Variants in OSBP2 observed in about 807,000 individuals in gnomAD.
OSBP2 encodes the protein oxysterol-binding protein 2.
Under a neutral mutation model 96.0 loss-of-function variants are expected in OSBP2, and 66 were observed. The ratio of observed to expected loss-of-function variants is 0.69; its 90% CI spans 0.56 to 0.84. The LOEUF (loss-of-function observed/expected upper bound fraction) is 0.84, where lower values mean the gene tolerates loss of function less well. Ranked by LOEUF, OSBP2 falls within the 40% of genes least tolerant of loss-of-function variation. The probability of loss-of-function intolerance (pLI) is 0.00; values close to 1 mark genes in which losing one functional copy is unlikely to be tolerated. For missense variants in OSBP2, 1,038 were observed against 1,222.7 expected, an observed-to-expected ratio of 0.85 and a Z score of 2.25; for synonymous variants, 525 against 520.9, an observed-to-expected ratio of 1.01 and a Z score of -0.11.
At chr22:30,800,988 T>C (rs191128610) in intron 2 of OSBP2, among the ~76,000 whole-genome samples, 2 of 152,368 alleles carry the variant, frequency 1.3e-5, no homozygotes, top group East Asian at 3.9e-4. Context: ...GGTGGGGTTA[T>C]AGACATGCTG....
At chr22:30,710,004 T>G (rs1028715251) in intron 1 of OSBP2, among the ~76,000 whole-genome samples, 1 of 152,096 alleles carries the variant, frequency 6.6e-6, no homozygotes, top group Non-Finnish European at 1.5e-5. Flanking sequence ...TGCTTCAGCC[T>G]CCCGAGTAGC....
Position 30,780,623 on chromosome 22 carries a change from G to A in OSBP2, c.853+39254G>A, listed in dbSNP as rs577701884. On this transcript the variant is annotated intron_variant, in intron 2 of 13. Transcript: ENST00000332585. ...AGCAATGCTTATGCCACAGCCTCCCGAGTAGCTGGGATTACAGGCGCCCGC... is the reference window on the plus strand; with the variant it reads ...AGCAATGCTTATGCCACAGCCTCCCAAGTAGCTGGGATTACAGGCGCCCGC... Among the ~76,000 whole-genome samples, 58 of 150,900 alleles carry A rather than the reference G, an allele frequency of 3.8e-4. 1 individual carries two copies. The highest frequency in any genetic ancestry group is 6.4e-4 in the Non-Finnish European group (43 of 67,624).
At chr22:30,845,612 G>A (rs1032906703) in intron 2 of OSBP2, among the ~76,000 whole-genome samples, 104 of 150,948 alleles carry the variant, frequency 6.9e-4, no homozygotes, top group South Asian at 1.5e-3. Context: ...GGCCAGGCAC[G>A]GTGGCTCACA....
At chr22:30,769,597 G>C (rs577296213) in intron 2 of OSBP2, among the ~76,000 whole-genome samples, 1 of 152,054 alleles carries the variant, frequency 6.6e-6, no homozygotes, top group African/African-American at 2.4e-5. Context: ...TGCAGTGAGC[G>C]GAGATTGCGC....
chr22:30,858,272 C>A (rs371757158), intron 2 of OSBP2, among the ~76,000 whole-genome samples: 1 of 150,808 alleles, frequency 6.6e-6, no homozygotes, highest in Non-Finnish European at 1.5e-5. Context: ...TCAGCCTCCC[C>A]AGTAGCTGGG....
Position 30,887,147 on chromosome 22 carries a change from G to A in OSBP2, c.1108-279G>A, listed in dbSNP as rs568499718. 1.4e-3 allele frequency among the ~76,000 whole-genome samples: 210 copies of A among 152,280 alleles called. 1 individual carries two copies. Among genetic ancestry groups the A allele is most frequent in the African/African-American group, 4.9e-3 (205 of 41,564 alleles). ...GGCGCTGGTGGGAGTGTAGCAGTGA[G>A]GACGACCAGAGGTCACTCTCGTCGC... is the stretch of plus-strand genomic sequence containing the variant. On this transcript the variant is annotated intron_variant, in intron 3 of 13. Transcript: ENST00000332585.
intron 1 of OSBP2, 22 bp downstream of exon 1, chr22:30,695,575 A>G: frequency 6.3e-7 from 1 of 1,589,436 alleles, no homozygotes. Flanking sequence ...CCAGGGTGGG[A>G]CATGGGGGTT....
At chr22:30,892,329 CTAACCCATCTCCTGGGGCATA>C (rs2039968133) in intron 8 of OSBP2, among the ~76,000 whole-genome samples, 1 of 152,084 alleles carries the variant, frequency 6.6e-6, no homozygotes, top group South Asian at 2.1e-4. Flanking sequence ...TCAGGGCCAG[CTAACCCATCTCCTGGGGCATA>C]GGAAGCAAGT....
At chr22:30,842,290 C>G (rs779454521) in intron 2 of OSBP2, among the ~76,000 whole-genome samples, 4 of 151,958 alleles carry the variant, frequency 2.6e-5, no homozygotes, top group Non-Finnish European at 5.9e-5. Flanking sequence ...AGAGCAAGGC[C>G]CTGTCTCAAA....
At chr22:30,858,958 A>G (rs190031484) in intron 2 of OSBP2, among the ~76,000 whole-genome samples, 176 of 151,672 alleles carry the variant, frequency 1.2e-3, no homozygotes, top group Middle Eastern at 3.4e-3. Context: ...CATTCATTCA[A>G]TAGGTTCCTA....
chr22:30,750,024 A>T (rs2090054213), intron 2 of OSBP2, among the ~76,000 whole-genome samples: 1 of 152,208 alleles, frequency 6.6e-6, no homozygotes, highest in East Asian at 1.9e-4. Context: ...GAACATAGTG[A>T]AAGGTCAGAG....
At position 30,870,366 on chromosome 22, in the gene OSBP2, G is replaced by C. The variant is rs2039432354; in HGVS notation, c.854-63G>C. ...CCACCCTGCCCTGCTCGGCCTGGCT[G>C]TGCAGGCCTCTTGGTACCACGTCTG... is the stretch of plus-strand genomic sequence containing the variant. On this transcript the variant is annotated intron_variant, in intron 2 of 13. Coordinates refer to ENST00000332585, the MANE Select transcript of OSBP2 (RefSeq NM_030758.4). The surrounding 1 kb of genome is among the most constrained non-coding windows in gnomAD (Gnocchi z 4.1). The C allele has an allele frequency of 1.8e-5, 28 of 1,560,348 alleles. No homozygotes were observed. In the South Asian group the frequency reaches 2.7e-4, roughly 15 times the overall value.
chr22:30,727,089 C>A (rs1267241055), intron 1 of OSBP2, among the ~76,000 whole-genome samples: 1 of 152,150 alleles, frequency 6.6e-6, no homozygotes, highest in Non-Finnish European at 1.5e-5. Flanking sequence ...GGAGCCCCAG[C>A]CTATGCATGT....
Position 30,906,019 on chromosome 22 carries a change from G to GA in OSBP2, c.2558_2559insA (p.Arg854ProfsTer29). On this transcript the variant is annotated frameshift_variant, in exon 13 of 14. Coordinates refer to ENST00000332585, the MANE Select transcript of OSBP2 (RefSeq NM_030758.4). LOFTEE classifies it high-confidence loss of function. ...GAGGAGAAGCAGCGCCTGTCGCGGC[G>GA]CCGGCGGCTGGAGGCCTGCGGGCCG... 1 of 1,574,842 alleles carries GA rather than the reference G, an allele frequency of 6.3e-7. No individual in the cohort carries two copies. The highest frequency in any genetic ancestry group is 8.6e-7 in the Non-Finnish European group (1 of 1,161,590).
At chr22:30,770,145 GCT>G (rs1490569692) in intron 2 of OSBP2, among the ~76,000 whole-genome samples, 1 of 147,246 alleles carries the variant, frequency 6.8e-6, no homozygotes, top group Non-Finnish European at 1.5e-5. Flanking sequence ...TGTTGCCCAG[GCT>G]GGAGTACAGT....
rs41279967 is a variant in OSBP2, at chr22:30,695,077, C to T, written c.168C>T (p.Pro56=). 0.091 allele frequency: 143,350 copies of T among 1,580,062 alleles called. 7,808 individuals are homozygous for T. Among genetic ancestry groups the T allele is most frequent in the African/African-American group, 0.24 (17,825 of 73,952 alleles). ...CGGAGCCCAAGCCCCAGCCCCAGCC[C>T]GTGCCCGAACCGGAGCGGGGACCGC... is the stretch of plus-strand genomic sequence containing the variant. The part of the protein sequence containing the change: ...SGPEPKPQPQ[P]VPEPERGPLS... Residue 56 remains proline, a synonymous_variant, in exon 1 of 14, where the codon CCC becomes CCT. Coordinates refer to ENST00000332585, the MANE Select transcript of OSBP2 (RefSeq NM_030758.4).
chr22:30,780,384 T>C (rs1165094429), intron 2 of OSBP2, among the ~76,000 whole-genome samples: 1 of 152,200 alleles, frequency 6.6e-6, no homozygotes, highest in Admixed American at 6.5e-5. Context: ...CTGCTACGTA[T>C]AAAGAACCCG....
At chr22:30,853,988 T>A (rs576199552) in intron 2 of OSBP2, among the ~76,000 whole-genome samples, 1 of 152,290 alleles carries the variant, frequency 6.6e-6, no homozygotes, top group Admixed American at 6.5e-5. Context: ...CTCGATCTCC[T>A]GACCTCATCA....
Position 30,870,448 on chromosome 22 carries a change from C to A in OSBP2, c.873C>A (p.Asp291Glu), listed in dbSNP as rs191090393. 3.1e-6 allele frequency: 5 copies of A among 1,613,950 alleles called. No homozygotes were observed. The highest frequency in any genetic ancestry group is 4.2e-6 in the Non-Finnish European group (5 of 1,180,018). The change falls in exon 3 of 14, where the codon GAC (aspartate) becomes GAA (glutamate). Residue 291 changes from aspartate to glutamate, a missense_variant. Coordinates refer to ENST00000332585, the MANE Select transcript of OSBP2 (RefSeq NM_030758.4). The surrounding 1 kb of genome is among the most constrained non-coding windows in gnomAD (Gnocchi z 4.1). Reference protein sequence around the residue: ...NTHSDDSGDDDEATTPADKSE... With the variant: ...NTHSDDSGDDEEATTPADKSE... ...CCACAGATGACTCTGGGGACGACGA[C>A]GAGGCTACCACCCCAGCCGACAAGA...
Sources: gnomAD v4.1 joint callset for allele counts (sites outside exome capture counted in the v4.1 genomes callset) on GRCh38, gnomAD v4.1.1 for gene constraint, Gnocchi (gnomAD v3.1) non-coding constraint, MANE v1.5 for transcripts, NCBI Gene and HGNC (gene_info 2026-07-23, HGNC 2026-07-21) for gene names.